Variants in DHX35 observed in about 807,000 individuals in gnomAD.
The protein encoded by DHX35 is DEAH-box helicase 35.
In DHX35, 84 loss-of-function variants were observed where a neutral mutation model predicts 99.6. That is an observed-to-expected ratio of 0.84 (90% CI 0.71 to 1.01). The LOEUF is 1.01. Among genes scored for constraint, DHX35 ranks in the 50% least tolerant of loss-of-function variants. The pLI is 0.00. For missense variants in DHX35, 852 were observed against 888.5 expected (o/e 0.96, Z 0.52); for synonymous variants, 331 against 316.2 (o/e 1.05, Z -0.50).
At chr20:39,008,700 C>A (rs187032170) in intron 12 of DHX35, among the ~76,000 whole-genome samples, 2 of 152,206 alleles carry the variant, frequency 1.3e-5, no homozygotes, top group African/African-American at 4.8e-5. Flanking sequence ...TTTTCCTCAG[C>A]TTATCTTCTC....
chr20:39,029,287 T>C (rs973251670), intron 19 of DHX35: 1 of 152,148 alleles, frequency 6.6e-6, no homozygotes, highest in Non-Finnish European at 1.5e-5. Flanking sequence ...TGTATTATTT[T>C]GTCATTAATT....
At chr20:39,010,543 G>A in intron 13 of DHX35, 139 bp downstream of exon 13, 1 of 1,220,746 alleles carries the variant, frequency 8.2e-7, no homozygotes. Context: ...TTGCAACCAG[G>A]CCCTGTGCAG....
intron 10 of DHX35, 149 bp from the exon 11 acceptor site, chr20:39,003,600 C>A: frequency 2.4e-6 from 2 of 842,700 alleles, no homozygotes; most frequent in Non-Finnish European, 3.6e-6. Flanking sequence ...AATTAAATAC[C>A]ATCCCAGAGT....
At chr20:38,981,187 T>C (rs1027548554) in intron 3 of DHX35, among the ~76,000 whole-genome samples, 4 of 152,228 alleles carry the variant, frequency 2.6e-5, no homozygotes, top group African/African-American at 7.2e-5. Flanking sequence ...TTAGTTGATA[T>C]GTATCTTGGG....
chr20:39,018,687 C>A (rs1353539793), intron 14 of DHX35, 117 bp from the exon 15 acceptor site: 4 of 1,010,968 alleles, frequency 4.0e-6, no homozygotes, highest in African/African-American at 3.2e-5. Context: ...GTGCATGAAT[C>A]ATCTTTTGGA....
At chr20:38,977,707 C>T (rs1206888668) in intron 3 of DHX35, 2 of 381,760 alleles carry the variant, frequency 5.2e-6, no homozygotes. Flanking sequence ...CAGATATCAA[C>T]TGTTGCTGCT....
At chr20:38,982,843 G>A (rs1316667845) in intron 3 of DHX35, among the ~76,000 whole-genome samples, 2 of 151,948 alleles carry the variant, frequency 1.3e-5, no homozygotes, top group Non-Finnish European at 1.5e-5. Flanking sequence ...ACTGTTATCC[G>A]TATTGGATTT....
chr20:39,017,393 G>A (rs150504871), intron 14 of DHX35, among the ~76,000 whole-genome samples: 111 of 152,256 alleles, frequency 7.3e-4, no homozygotes, highest in African/African-American at 2.6e-3. Flanking sequence ...ATGGGAACTC[G>A]AAAGCACATT....
chr20:38,979,594 G>A (rs914228370), intron 3 of DHX35, among the ~76,000 whole-genome samples: 21 of 152,056 alleles, frequency 1.4e-4, no homozygotes, highest in Admixed American at 3.3e-4. Context: ...TAGCCACTCA[G>A]TTCCCCGTAC....
At chr20:38,999,231 A>C (rs1179368657) in intron 8 of DHX35, among the ~76,000 whole-genome samples, 1 of 151,528 alleles carries the variant, frequency 6.6e-6, no homozygotes, top group African/African-American at 2.4e-5. Flanking sequence ...GGTAACATTC[A>C]CCCTTGTCCA....
At chr20:38,971,700 A>G (rs1368185297) in intron 2 of DHX35, among the ~76,000 whole-genome samples, 1 of 152,214 alleles carries the variant, frequency 6.6e-6, no homozygotes, top group Admixed American at 6.5e-5. Context: ...TGCCCTAAGA[A>G]GAATGCAGTT....
intron 8 of DHX35, among the ~76,000 whole-genome samples, chr20:38,997,599 C>T (rs2086451087): frequency 6.6e-6 from 1 of 152,066 alleles, no homozygotes; most frequent in Non-Finnish European, 1.5e-5. Flanking sequence ...TGGGCCATTC[C>T]TTCTTATCCT....
chr20:39,021,982 T>C (rs1254536557), intron 16 of DHX35, 47 bp downstream of exon 16: 3 of 1,592,182 alleles, frequency 1.9e-6, no homozygotes, highest in Non-Finnish European at 2.6e-6. Flanking sequence ...CTCTTTTGCT[T>C]TGAGCTTTCG....
rs1568767834 is a variant in DHX35, at chr20:39,036,726, C to CCAAAAAAAAA, written c.2068-1773_2068-1772insCAAAAAAAAA. Among the ~76,000 whole-genome samples, 66 of 51,692 alleles carry CCAAAAAAAAA rather than the reference C, an allele frequency of 1.3e-3. 1 individual carries two copies. Among genetic ancestry groups the CCAAAAAAAAA allele is most frequent in the African/African-American group, 5.0e-3 (63 of 12,684 alleles). 33.9% of individuals were successfully genotyped at this position (51,692 alleles called of 152,430 possible). A position where few individuals can be genotyped will look rare whatever the true frequency, so the allele number is the denominator to read the frequency against. Reference sequence around the variant, plus strand: ...AGGCGACAGAGCAAGACTGTCCCCCCAAAAAAAAAAAAAAAAAAAAAAAAA... The same window carrying CCAAAAAAAAA: ...AGGCGACAGAGCAAGACTGTCCCCCCCAAAAAAAAAAAAAAAAAAAAAAAAAAAAAAAAAA... On this transcript the variant is annotated intron_variant, in intron 21 of 21. Transcript: ENST00000252011.
intron 18 of DHX35, among the ~76,000 whole-genome samples, chr20:39,025,818 T>C (rs1174998024): frequency 6.6e-6 from 1 of 152,260 alleles, no homozygotes; most frequent in Non-Finnish European, 1.5e-5. Flanking sequence ...ATGTAAGACG[T>C]AGTCTCTGGC....
At chr20:39,012,553 A>G (rs988197797) in intron 13 of DHX35, among the ~76,000 whole-genome samples, 1 of 151,414 alleles carries the variant, frequency 6.6e-6, no homozygotes, top group African/African-American at 2.4e-5. Flanking sequence ...TTTTTGAGAC[A>G]GAGTCTCTCT....
At position 38,970,533 on chromosome 20, in the gene DHX35, C is replaced by T. The variant is rs535014098; in HGVS notation, c.174+1319C>T. Among the ~76,000 whole-genome samples the T allele has an allele frequency of 2.7e-4, 41 of 152,260 alleles. No individual in the cohort carries two copies. In the South Asian group the frequency reaches 6.8e-3, roughly 25 times the overall value. Reference sequence around the variant, plus strand: ...ACAGTTTGAGCTGTGATGAAGTGTCCGGACTCTGGAGCTAGACTTCAGGGT... The same window carrying T: ...ACAGTTTGAGCTGTGATGAAGTGTCTGGACTCTGGAGCTAGACTTCAGGGT... On this transcript the variant is annotated intron_variant, in intron 2 of 21. Coordinates refer to ENST00000252011, the MANE Select transcript of DHX35 (RefSeq NM_021931.4).
chr20:38,991,240 A>G (rs111867843), intron 5 of DHX35, among the ~76,000 whole-genome samples: 9 of 152,204 alleles, frequency 5.9e-5, no homozygotes, highest in Admixed American at 2.0e-4. Context: ...TTCTGCTCAA[A>G]GATTTGCAAC....
At chr20:39,018,317 C>T (rs1308727683) in intron 14 of DHX35, among the ~76,000 whole-genome samples, 4 of 151,960 alleles carry the variant, frequency 2.6e-5, no homozygotes, top group Admixed American at 2.6e-4. Flanking sequence ...ATGGAGATGG[C>T]AGAGAACCAG....
Sources: allele counts gnomAD v4.1 joint callset (sites outside exome capture counted in the v4.1 genomes callset), GRCh38; gene constraint gnomAD v4.1.1; transcripts MANE v1.5; gene names NCBI Gene and HGNC (gene_info 2026-07-23, HGNC 2026-07-21).